Variants in NTN1 observed in about 807,000 individuals in gnomAD.
The protein encoded by NTN1 is netrin 1, also known as netrin-1.
A neutral mutation model predicts 54.2 loss-of-function variants in NTN1; 11 were observed. The ratio of observed to expected loss-of-function variants is 0.20; its 90% confidence interval spans 0.13 to 0.34. NTN1 has a LOEUF of 0.34. NTN1 is among the 10% of genes least tolerant of loss of function. The pLI is 1.00. For synonymous variants in NTN1, 371 were observed against 382.0 expected, an observed-to-expected ratio of 0.97 and a Z score of 0.33; for missense variants, 740 against 893.1, an observed-to-expected ratio of 0.83 and a Z score of 2.18.
intron 2 of NTN1, among the ~76,000 whole-genome samples, chr17:9,152,063 A>C (rs986339848): frequency 6.6e-6 from 1 of 152,198 alleles, no homozygotes; most frequent in Non-Finnish European, 1.5e-5. Flanking sequence ...CCCGCGGGCC[A>C]TGAGTGGCAA....
chr17:9,083,098 T>G lies in NTN1; in HGVS notation c.1018+59707T>G, dbSNP rs763946334. On this transcript the variant is annotated intron_variant, in intron 2 of 6. Transcript: ENST00000173229. ...GCCTTGGGGGGATTGTCCGTGGGTT[T>G]TTTTTTTCTTCTTCTTCTGAGATCA... is the stretch of plus-strand genomic sequence containing the variant. 9.9e-4 allele frequency among the ~76,000 whole-genome samples: 150 copies of G among 151,976 alleles called. 1 individual carries two copies. The highest frequency in any genetic ancestry group is 6.6e-4 in the Admixed American group (10 of 15,258).
intron 2 of NTN1, among the ~76,000 whole-genome samples, chr17:9,074,970 G>T (rs1419801611): frequency 6.6e-6 from 1 of 152,240 alleles, no homozygotes; most frequent in Non-Finnish European, 1.5e-5. Context: ...ATGTGTGCAT[G>T]TGAGTGTGGA....
At chr17:9,083,661 C>G (rs924795542) in intron 2 of NTN1, among the ~76,000 whole-genome samples, 9 of 152,164 alleles carry the variant, frequency 5.9e-5, no homozygotes, top group African/African-American at 2.2e-4. Context: ...ACTGCTGCAT[C>G]CCCTTTGCTA....
intron 2 of NTN1, among the ~76,000 whole-genome samples, chr17:9,091,683 C>A (rs151036222): frequency 1.3e-4 from 20 of 151,858 alleles, no homozygotes; most frequent in Non-Finnish European, 2.5e-4. Flanking sequence ...GAACTCCCGA[C>A]CTCAGGTGAT....
At chr17:9,069,342 T>G (rs2142214087) in intron 2 of NTN1, among the ~76,000 whole-genome samples, 1 of 152,276 alleles carries the variant, frequency 6.6e-6, no homozygotes, top group South Asian at 2.1e-4. Context: ...TAGGGACATG[T>G]CTTTTTGGTC....
In NTN1 at chr17:9,050,481, C is replaced by A. The variant is rs568507425; in HGVS notation, c.1018+27090C>A. On this transcript the variant is annotated intron_variant, in intron 2 of 6. Coordinates refer to ENST00000173229, the MANE Select transcript of NTN1 (RefSeq NM_004822.3). ...GGCCAGGAGTTTGAGACCAGCCTGGCCAACAGGACGAAACCCCATCTCTAC... is the reference window on the plus strand; with the variant it reads ...GGCCAGGAGTTTGAGACCAGCCTGGACAACAGGACGAAACCCCATCTCTAC... 2.8e-3 allele frequency among the ~76,000 whole-genome samples: 428 copies of A among 151,206 alleles called. 4 individuals carry two copies. Among genetic ancestry groups the A allele is most frequent in the African/African-American group, 9.9e-3 (407 of 41,192 alleles).
At chr17:9,044,958 A>G (rs1381953497) in intron 2 of NTN1, among the ~76,000 whole-genome samples, 1 of 152,154 alleles carries the variant, frequency 6.6e-6, no homozygotes, top group African/African-American at 2.4e-5. Flanking sequence ...CAGATACAGG[A>G]AAAAAATGCA....
At chr17:9,190,587 C>T (rs1310400560) in intron 5 of NTN1, among the ~76,000 whole-genome samples, 1 of 152,212 alleles carries the variant, frequency 6.6e-6, no homozygotes, top group Non-Finnish European at 1.5e-5. Flanking sequence ...TGCAGTGGCT[C>T]ACGCCTATAA....
At chr17:9,207,852 C>T (rs908878032) in intron 5 of NTN1, among the ~76,000 whole-genome samples, 2 of 152,232 alleles carry the variant, frequency 1.3e-5, no homozygotes, top group African/African-American at 4.8e-5. Flanking sequence ...TTAAAGGTGG[C>T]ATGGCCTTCT....
intron 2 of NTN1, among the ~76,000 whole-genome samples, chr17:9,024,458 C>T (rs1465830770): frequency 6.6e-6 from 1 of 152,310 alleles, no homozygotes; most frequent in Non-Finnish European, 1.5e-5. Flanking sequence ...CAGATTTTTC[C>T]TCTCCATCTC....
At chr17:9,048,088 A>T (rs2091946542) in intron 2 of NTN1, among the ~76,000 whole-genome samples, 1 of 152,234 alleles carries the variant, frequency 6.6e-6, no homozygotes, top group African/African-American at 2.4e-5. Context: ...AGGAATCACC[A>T]TCTGTGCAGC....
chr17:9,071,391 C>T (rs1016830560), intron 2 of NTN1, among the ~76,000 whole-genome samples: 1 of 152,044 alleles, frequency 6.6e-6, no homozygotes, highest in African/African-American at 2.4e-5. Flanking sequence ...ACAATGATAT[C>T]GTTTCACATT....
In NTN1 at chr17:9,135,356, G is replaced by A. The variant is rs1196880037; in HGVS notation, c.1019-27457G>A. On this transcript the variant is annotated intron_variant, in intron 2 of 6. Transcript: ENST00000173229. This position sits in a 1 kb window ranked among gnomAD's most constrained non-coding sequence, Gnocchi z 4.4. ...GTGTCTGGCTCTTGCTTCCCCTGCA[G>A]CCATCCTGCCAACCAGACCACACTA... Among the ~76,000 whole-genome samples, 1 of 152,172 alleles carries A rather than the reference G, an allele frequency of 6.6e-6. No individual in the cohort carries two copies. Among genetic ancestry groups the A allele is most frequent in the Non-Finnish European group, 1.5e-5 (1 of 68,042 alleles).
chr17:9,242,615 C>A lies in NTN1; in HGVS notation c.*2647C>A, dbSNP rs928428399. On this transcript the variant is annotated 3_prime_UTR_variant, in exon 7 of 7. Transcript: ENST00000173229. Reference sequence around the variant, plus strand: ...AAATTCAGCCAGTGTCCTGCCCCTCCCTTCGGCTCAGCACCCCGCAGGGCA... The same window carrying A: ...AAATTCAGCCAGTGTCCTGCCCCTCACTTCGGCTCAGCACCCCGCAGGGCA... 4 of 152,334 alleles carry A rather than the reference C, an allele frequency of 2.6e-5. No individual in the cohort carries two copies. Among genetic ancestry groups the A allele is most frequent in the Non-Finnish European group, 5.9e-5 (4 of 68,104 alleles). 9.4% of individuals were successfully genotyped at this position (152,334 alleles called of 1,614,324 possible). A position where few individuals can be genotyped will look rare whatever the true frequency, so the allele number is the denominator to read the frequency against.
chr17:9,085,331 T>G (rs1211048700), intron 2 of NTN1, among the ~76,000 whole-genome samples: 1 of 152,202 alleles, frequency 6.6e-6, no homozygotes, highest in East Asian at 1.9e-4. Context: ...CATTCCAGCC[T>G]GCTGGAAGAG....
chr17:9,214,779 G>A (rs1406963947), intron 5 of NTN1, among the ~76,000 whole-genome samples: 1 of 152,120 alleles, frequency 6.6e-6, no homozygotes, highest in Admixed American at 6.5e-5. Flanking sequence ...CTGAGATCAC[G>A]CCACTGCACT....
At chr17:9,193,079 CAAAAAA>C (rs528295578) in intron 5 of NTN1, among the ~76,000 whole-genome samples, 1 of 105,976 alleles carries the variant, frequency 9.4e-6, no homozygotes, top group Non-Finnish European at 1.9e-5. Flanking sequence ...GACTCTGTCT[CAAAAAA>C]AAAAAAAAAA....
intron 2 of NTN1, among the ~76,000 whole-genome samples, chr17:9,044,808 A>G (rs1194188510): frequency 1.3e-5 from 2 of 152,254 alleles, no homozygotes; most frequent in African/African-American, 2.4e-5. Flanking sequence ...TGACAAAGTC[A>G]TTCAACTTCT....
chr17:9,031,671 G>A (rs2091888683), intron 2 of NTN1, among the ~76,000 whole-genome samples: 1 of 152,154 alleles, frequency 6.6e-6, no homozygotes, highest in Non-Finnish European at 1.5e-5. Context: ...TAGACCAGGT[G>A]CGGTGGCTCA....
Sources: allele counts gnomAD v4.1 joint callset (sites outside exome capture counted in the v4.1 genomes callset), GRCh38; gene constraint gnomAD v4.1.1; non-coding constraint Gnocchi (gnomAD v3.1); transcripts MANE v1.5; gene names NCBI Gene and HGNC (gene_info 2026-07-23, HGNC 2026-07-21).